CDH13: variants seen among roughly 807,000 people sequenced by gnomAD.
CDH13 encodes cadherin 13, also known as cadherin-13.
Under a neutral mutation model 63.8 loss-of-function variants are expected in CDH13, and 24 were observed. The observed-to-expected ratio is 0.38, with a 90% CI of 0.27 to 0.53. CDH13 has a LOEUF of 0.53. CDH13 is among the 20% of genes least tolerant of loss of function. CDH13 has a pLI of 0.85. For synonymous variants in CDH13, 503 were observed against 355.3 expected (o/e 1.42, Z -4.67); for missense variants, 1,049 against 903.1 (o/e 1.16, Z -2.07).
At chr16:83,228,691 C>A (rs2039917137) in intron 5 of CDH13, among the ~76,000 whole-genome samples, 1 of 152,142 alleles carries the variant, frequency 6.6e-6, no homozygotes, top group Admixed American at 6.5e-5. Flanking sequence ...GGAGTGCGTG[C>A]AGTTTAGAGC....
intron 10 of CDH13, among the ~76,000 whole-genome samples, chr16:83,709,921 A>T (rs1907748285): frequency 6.6e-6 from 1 of 152,214 alleles, no homozygotes; most frequent in African/African-American, 2.4e-5. Context: ...AAGAACAGAG[A>T]TATTTAAGAA....
chr16:82,997,017 G>T (rs1205146063), intron 2 of CDH13, among the ~76,000 whole-genome samples: 1 of 148,662 alleles, frequency 6.7e-6, no homozygotes, highest in Non-Finnish European at 1.5e-5. Flanking sequence ...GATGGTGATG[G>T]TGATGATGGT....
chr16:83,392,342 T>C (rs1364303), intron 6 of CDH13, among the ~76,000 whole-genome samples: 151,094 of 152,316 alleles, frequency 0.99, 74,950 homozygotes, highest in South Asian at 1. Flanking sequence ...AAATGAATGC[T>C]GGCTATTATA....
chr16:83,393,285 C>T (rs573825832), intron 6 of CDH13, among the ~76,000 whole-genome samples: 12 of 152,022 alleles, frequency 7.9e-5, no homozygotes, highest in African/African-American at 2.7e-4. Context: ...GAAGCATTCT[C>T]GTGGGAATAT....
At chr16:83,691,905 G>C (rs1333694359) in intron 10 of CDH13, among the ~76,000 whole-genome samples, 1 of 152,160 alleles carries the variant, frequency 6.6e-6, no homozygotes, top group Non-Finnish European at 1.5e-5. Flanking sequence ...TGTTCCCTGA[G>C]CCTTCTGCAT....
intron 1 of CDH13, among the ~76,000 whole-genome samples, chr16:82,738,354 C>G (rs531841770): frequency 2.6e-5 from 4 of 152,212 alleles, no homozygotes; most frequent in Non-Finnish European, 4.4e-5. Context: ...TCCTGTCAAA[C>G]TCTAGGAATG....
chr16:83,618,917 T>A (rs987927048), intron 8 of CDH13, among the ~76,000 whole-genome samples: 2 of 152,150 alleles, frequency 1.3e-5, no homozygotes, highest in Admixed American at 6.5e-5. Context: ...TAATTCAGGA[T>A]TAATATATTC....
At chr16:83,196,173 T>C (rs910771818) in intron 4 of CDH13, among the ~76,000 whole-genome samples, 1 of 152,118 alleles carries the variant, frequency 6.6e-6, no homozygotes, top group Admixed American at 6.5e-5. Context: ...GGAGAATCAC[T>C]TGAACCCGGG....
intron 8 of CDH13, among the ~76,000 whole-genome samples, chr16:83,670,151 T>G (rs1368362617): frequency 6.6e-6 from 1 of 152,022 alleles, no homozygotes; most frequent in Non-Finnish European, 1.5e-5. Flanking sequence ...GGATATGGAG[T>G]GGGAAGGATG....
intron 5 of CDH13, among the ~76,000 whole-genome samples, chr16:83,297,177 T>C (rs1328474443): frequency 6.6e-6 from 1 of 152,154 alleles, no homozygotes; most frequent in East Asian, 1.9e-4. Flanking sequence ...ATAGGGTGAC[T>C]ATAGTTTTCA....
chr16:82,835,238 G>C (rs1169585905), intron 1 of CDH13, among the ~76,000 whole-genome samples: 4 of 152,162 alleles, frequency 2.6e-5, no homozygotes, highest in African/African-American at 7.2e-5. Flanking sequence ...CCACATTTCA[G>C]GGGTTTAACA....
chr16:83,611,863 C>T (rs1853728874), intron 8 of CDH13, among the ~76,000 whole-genome samples: 1 of 152,004 alleles, frequency 6.6e-6, no homozygotes, highest in South Asian at 2.1e-4. Context: ...CTTAATTCTA[C>T]AGTGGTTAGA....
At chr16:83,161,893 AG>A (rs1208839493) in intron 4 of CDH13, among the ~76,000 whole-genome samples, 1 of 152,228 alleles carries the variant, frequency 6.6e-6, no homozygotes, top group African/African-American at 2.4e-5. Flanking sequence ...ACTCAAAATG[AG>A]GTAGCCATCG....
At chr16:82,759,509 T>C (rs1461717996) in intron 1 of CDH13, among the ~76,000 whole-genome samples, 9 of 151,208 alleles carry the variant, frequency 6.0e-5, no homozygotes, top group Non-Finnish European at 1.0e-4. Context: ...TAGGGGATTG[T>C]ATATTAATAT....
At chr16:82,670,469 A>C (rs904589157) in intron 1 of CDH13, among the ~76,000 whole-genome samples, 2 of 152,194 alleles carry the variant, frequency 1.3e-5, no homozygotes, top group African/African-American at 4.8e-5. Flanking sequence ...GAATTAATAA[A>C]AGCTCACATG....
chr16:83,491,350 A>G (rs1432409160), intron 7 of CDH13, among the ~76,000 whole-genome samples: 1 of 152,194 alleles, frequency 6.6e-6, no homozygotes, highest in East Asian at 1.9e-4. Flanking sequence ...TATTTTCTAT[A>G]GCCATACTTA....
chr16:83,393,424 G>C (rs1011790648), intron 6 of CDH13, among the ~76,000 whole-genome samples: 1 of 152,172 alleles, frequency 6.6e-6, no homozygotes, highest in African/African-American at 2.4e-5. Flanking sequence ...TTTCCCTAGA[G>C]ATGTGAGGAG....
intron 2 of CDH13, among the ~76,000 whole-genome samples, chr16:82,888,527 G>A (rs1005356272): frequency 1.3e-5 from 2 of 152,176 alleles, no homozygotes; most frequent in Non-Finnish European, 2.9e-5. Context: ...GCATCTCCTG[G>A]TCGCCTGGAC....
At chr16:83,091,587 T>C (rs2033916050) in intron 3 of CDH13, among the ~76,000 whole-genome samples, 1 of 152,246 alleles carries the variant, frequency 6.6e-6, no homozygotes, top group Non-Finnish European at 1.5e-5. Flanking sequence ...CACTAAGTCA[T>C]GGGCTGGTCT....
Sources: gnomAD v4.1 joint callset for allele counts (sites outside exome capture counted in the v4.1 genomes callset) on GRCh38, gnomAD v4.1.1 for gene constraint, MANE v1.5 for transcripts, NCBI Gene and HGNC (gene_info 2026-07-23, HGNC 2026-07-21) for gene names.